CHSY3: variants seen among roughly 807,000 people sequenced by gnomAD.
CHSY3 encodes the protein N-acetylgalactosaminyl-proteoglycan 3-beta-glucuronosyltransferase 3.
In CHSY3, 35 loss-of-function variants were observed where a neutral mutation model predicts 67.2. That is an observed-to-expected ratio of 0.52 (90% CI 0.40 to 0.69). The LOEUF is 0.69. CHSY3 is among the 30% of genes least tolerant of loss of function. The pLI is 0.00. For synonymous variants in CHSY3, 474 were observed against 434.7 expected, an observed-to-expected ratio of 1.09 and a Z score of -1.12; for missense variants, 1,069 against 1,138.5, an observed-to-expected ratio of 0.94 and a Z score of 0.88.
At chr5:129,927,258 G>T (rs547226836) in intron 2 of CHSY3, among the ~76,000 whole-genome samples, 2 of 151,724 alleles carry the variant, frequency 1.3e-5, no homozygotes, top group East Asian at 3.9e-4. Flanking sequence ...ATTCATTTTA[G>T]AAATGGTTCA....
At chr5:129,914,652 T>C (rs1760680775) in intron 2 of CHSY3, among the ~76,000 whole-genome samples, 1 of 152,218 alleles carries the variant, frequency 6.6e-6, no homozygotes, top group Non-Finnish European at 1.5e-5. Flanking sequence ...TCATCATGCA[T>C]CGATTTTGTA....
chr5:130,025,489 G>A (rs1221942298), intron 2 of CHSY3, among the ~76,000 whole-genome samples: 2 of 152,094 alleles, frequency 1.3e-5, no homozygotes, highest in Admixed American at 6.6e-5. Flanking sequence ...AACAAAAGAA[G>A]CCACGGAATC....
chr5:130,082,726 G>A (rs1040907545), intron 2 of CHSY3, among the ~76,000 whole-genome samples: 16 of 151,866 alleles, frequency 1.1e-4, no homozygotes, highest in Non-Finnish European at 2.1e-4. Context: ...ATGTGTTTGT[G>A]CTTTTGAAAA....
chr5:129,995,605 A>G (rs1343631655), intron 2 of CHSY3, among the ~76,000 whole-genome samples: 1 of 151,168 alleles, frequency 6.6e-6, no homozygotes. Context: ...GCATGTATTA[A>G]GGTTCTTCGT....
chr5:129,946,574 G>T (rs1369114221), intron 2 of CHSY3, among the ~76,000 whole-genome samples: 1 of 151,956 alleles, frequency 6.6e-6, no homozygotes, highest in Non-Finnish European at 1.5e-5. Flanking sequence ...ATAACTGAAG[G>T]TTTATACCCT....
At chr5:130,000,226 G>C (rs1332807467) in intron 2 of CHSY3, among the ~76,000 whole-genome samples, 3 of 152,138 alleles carry the variant, frequency 2.0e-5, no homozygotes, top group Admixed American at 2.0e-4. Flanking sequence ...CCTTCTCTAA[G>C]TTAAAAATCA....
chr5:129,943,174 A>G (rs1022442207), intron 2 of CHSY3, among the ~76,000 whole-genome samples: 13 of 152,134 alleles, frequency 8.5e-5, no homozygotes, highest in Non-Finnish European at 1.5e-4. Flanking sequence ...TCATGAGCTA[A>G]GGTTAACAGA....
At chr5:129,953,730 GTGA>G (rs1762091861) in intron 2 of CHSY3, among the ~76,000 whole-genome samples, 1 of 152,208 alleles carries the variant, frequency 6.6e-6, no homozygotes, top group African/African-American at 2.4e-5. Context: ...CTAATGACCA[GTGA>G]TGATGAGCTT....
chr5:130,144,668 T>G (rs1308686349), intron 2 of CHSY3, among the ~76,000 whole-genome samples: 1 of 152,140 alleles, frequency 6.6e-6, no homozygotes, highest in Non-Finnish European at 1.5e-5. Context: ...ATTTTTTTAA[T>G]GGAACTAAAG....
intron 2 of CHSY3, among the ~76,000 whole-genome samples, chr5:130,176,449 C>G (rs2149735093): frequency 6.6e-6 from 1 of 152,040 alleles, no homozygotes; most frequent in South Asian, 2.1e-4. Flanking sequence ...TGTGGTGATT[C>G]CTCAAGGTTC....
intron 2 of CHSY3, among the ~76,000 whole-genome samples, chr5:129,945,946 AAG>A (rs540234974): frequency 1.0e-3 from 154 of 152,226 alleles, no homozygotes; most frequent in African/African-American, 3.6e-3. Flanking sequence ...TCAGAGAAAA[AAG>A]AGAGATTTTG....
chr5:129,945,976 A>G (rs1210561966), intron 2 of CHSY3, among the ~76,000 whole-genome samples: 1 of 152,176 alleles, frequency 6.6e-6, no homozygotes, highest in Non-Finnish European at 1.5e-5. Context: ...TGAACCTATA[A>G]AAATATTATT....
At chr5:130,053,957 C>T (rs1765448181) in intron 2 of CHSY3, among the ~76,000 whole-genome samples, 1 of 152,130 alleles carries the variant, frequency 6.6e-6, no homozygotes, top group Admixed American at 6.5e-5. Context: ...TTCATTAGAA[C>T]TTCTAAATCC....
chr5:130,125,191 C>T (rs568989916), intron 2 of CHSY3, among the ~76,000 whole-genome samples: 2 of 152,316 alleles, frequency 1.3e-5, no homozygotes, highest in Admixed American at 6.5e-5. Flanking sequence ...CACTGTCCTG[C>T]AACCATGGCT....
At chr5:130,144,866 T>C (rs1769024420) in intron 2 of CHSY3, among the ~76,000 whole-genome samples, 1 of 152,190 alleles carries the variant, frequency 6.6e-6, no homozygotes, top group African/African-American at 2.4e-5. Context: ...TGGCTCACAG[T>C]TCTGCAGGCT....
At chr5:129,988,604 T>C (rs987549778) in intron 2 of CHSY3, among the ~76,000 whole-genome samples, 5 of 152,198 alleles carry the variant, frequency 3.3e-5, no homozygotes, top group Admixed American at 6.5e-5. Context: ...TAGCACATAG[T>C]AGGCACTCAG....
rs78035677 is a variant in CHSY3 at position 129,951,314 on chromosome 5, G to T, written c.1086+42954G>T. ...TCCTAAAAGAAAACAGAGAAGAAAAGCCCCATGACGTTGGTCTTGGTGATT... is the reference window on the plus strand; with the variant it reads ...TCCTAAAAGAAAACAGAGAAGAAAATCCCCATGACGTTGGTCTTGGTGATT... On this transcript the variant is annotated intron_variant, in intron 2 of 2. Coordinates refer to ENST00000305031, the MANE Select transcript of CHSY3 (RefSeq NM_175856.5). Among the ~76,000 whole-genome samples the T allele has an allele frequency of 4.1e-3, 619 of 152,082 alleles. 8 individuals carry two copies. The highest frequency in any genetic ancestry group is 0.013 in the African/African-American group (549 of 41,480).
In CHSY3 at chr5:129,992,615, A is replaced by G. The variant is rs148122055; in HGVS notation, c.1086+84255A>G. ...ATCATTCCAGTAAAGCTGGAAAACA[A>G]TCTTGATGTCTGTTGTTGGAGGTGC... On this transcript the variant is annotated intron_variant, in intron 2 of 2. Coordinates refer to ENST00000305031, the MANE Select transcript of CHSY3 (RefSeq NM_175856.5). 1.9e-3 allele frequency among the ~76,000 whole-genome samples: 285 copies of G among 152,278 alleles called. 3 individuals are homozygous for G. The highest frequency in any genetic ancestry group is 6.5e-3 in the African/African-American group (269 of 41,576).
At chr5:130,019,545 C>T (rs1215450053) in intron 2 of CHSY3, among the ~76,000 whole-genome samples, 6 of 152,142 alleles carry the variant, frequency 3.9e-5, no homozygotes, top group Non-Finnish European at 8.8e-5. Context: ...GTCTGTATCC[C>T]TTCTCCCTTA....
Sources: allele counts gnomAD v4.1 joint callset (sites outside exome capture counted in the v4.1 genomes callset), GRCh38; gene constraint gnomAD v4.1.1; transcripts MANE v1.5; gene names NCBI Gene and HGNC (gene_info 2026-07-23, HGNC 2026-07-21).